Variants in CORIN observed in about 807,000 individuals in gnomAD.
The protein encoded by CORIN is corin, serine peptidase, also known as atrial natriuretic peptide-converting enzyme.
A neutral mutation model predicts 125.3 loss-of-function variants in CORIN; 117 were observed. The ratio of observed to expected loss-of-function variants is 0.93; its 90% CI spans 0.80 to 1.09. The LOEUF is 1.09. Ranked by LOEUF, CORIN falls within the 50% of genes least tolerant of loss-of-function variation. The pLI, the probability that CORIN is intolerant of heterozygous loss-of-function variation, is 0.00. For missense variants in CORIN, 1,253 were observed against 1,306.7 expected (o/e 0.96, Z 0.63); for synonymous variants, 450 against 466.4 (o/e 0.96, Z 0.45).
At chr4:47,825,303 C>G (rs1732693579) in intron 1 of CORIN, among the ~76,000 whole-genome samples, 1 of 152,162 alleles carries the variant, frequency 6.6e-6, no homozygotes, top group South Asian at 2.1e-4. Flanking sequence ...GAAGTGAGGC[C>G]TGGGAGTCCC....
intron 1 of CORIN, among the ~76,000 whole-genome samples, chr4:47,826,221 T>C (rs1390371664): frequency 9.9e-5 from 15 of 152,216 alleles, no homozygotes; most frequent in Non-Finnish European, 8.8e-5. Flanking sequence ...CAAGCTGAGA[T>C]GAACAACTGT....
chr4:47,642,639 G>T (rs1434091653), intron 15 of CORIN, among the ~76,000 whole-genome samples: 1 of 152,172 alleles, frequency 6.6e-6, no homozygotes, highest in Non-Finnish European at 1.5e-5. Flanking sequence ...GATGAGTGTG[G>T]GATGAGGAAA....
chr4:47,602,110 C>CA (rs1361012487), intron 20 of CORIN, among the ~76,000 whole-genome samples: 48 of 145,926 alleles, frequency 3.3e-4, no homozygotes, highest in South Asian at 8.7e-4. Flanking sequence ...ACTAAAAATA[C>CA]AAAAAACAAA....
chr4:47,687,301 C>T (rs141794773), intron 6 of CORIN, among the ~76,000 whole-genome samples: 3 of 152,292 alleles, frequency 2.0e-5, no homozygotes, highest in African/African-American at 7.2e-5. Flanking sequence ...ACAGTGTCTC[C>T]TTTTACTGAA....
chr4:47,803,105 A>T (rs1731615901), intron 2 of CORIN, among the ~76,000 whole-genome samples: 1 of 152,240 alleles, frequency 6.6e-6, no homozygotes, highest in Admixed American at 6.5e-5. Context: ...CACCTTCCCA[A>T]GAAAAATGGA....
intron 19 of CORIN, 100 bp from the exon 20 acceptor site, chr4:47,603,768 C>A: frequency 1.6e-6 from 2 of 1,283,662 alleles, no homozygotes; most frequent in African/African-American, 1.5e-5. Context: ...AAATAATGGC[C>A]ATTTTCATGC....
intron 5 of CORIN, among the ~76,000 whole-genome samples, chr4:47,708,492 T>C (rs889495393): frequency 2.0e-5 from 3 of 152,188 alleles, no homozygotes; most frequent in Non-Finnish European, 4.4e-5. Flanking sequence ...CTTATTTCCA[T>C]CTTCAACTTC....
intron 6 of CORIN, 23 bp downstream of exon 6, chr4:47,692,947 A>C (rs1355740342): frequency 1.3e-6 from 2 of 1,549,018 alleles, no homozygotes; most frequent in Admixed American, 3.3e-5. Flanking sequence ...ACTCAGACAA[A>C]CCCTAAACAG....
At chr4:47,632,901 T>C (rs1472903358) in intron 16 of CORIN, among the ~76,000 whole-genome samples, 1 of 152,090 alleles carries the variant, frequency 6.6e-6, no homozygotes, top group Non-Finnish European at 1.5e-5. Context: ...TGCCTCAGCC[T>C]CCTGGGTAGC....
chr4:47,773,263 T>C (rs915750762), intron 3 of CORIN, among the ~76,000 whole-genome samples: 4 of 152,192 alleles, frequency 2.6e-5, no homozygotes, highest in African/African-American at 9.6e-5. Flanking sequence ...TGGAGCAACA[T>C]GTTCAATAAG....
At position 47,693,003 on chromosome 4, in the gene CORIN, CGTT is replaced by C; in HGVS notation, c.877_879del (p.Asn293del). 7 of 1,613,806 alleles carry C rather than the reference CGTT, an allele frequency of 4.3e-6. No homozygotes were observed. Among genetic ancestry groups the C allele is most frequent in the Non-Finnish European group, 5.1e-6 (6 of 1,179,804 alleles). On this transcript the variant is annotated inframe_deletion, in exon 6 of 22. Coordinates refer to ENST00000273857, the MANE Select transcript of CORIN (RefSeq NM_006587.4). ...GCCTCGTCACTCCAGTCGTCACAGT[CGTT>C]GTAGCCATTACATTGCAGTTTCCCG...
intron 4 of CORIN, among the ~76,000 whole-genome samples, chr4:47,749,124 A>C (rs1230436678): frequency 6.6e-6 from 1 of 152,096 alleles, no homozygotes; most frequent in Non-Finnish European, 1.5e-5. Flanking sequence ...TCATGAGAAA[A>C]AAAAAAACAG....
chr4:47,704,222 GAA>G (rs376625346), intron 5 of CORIN, among the ~76,000 whole-genome samples: 1 of 150,930 alleles, frequency 6.6e-6, no homozygotes, highest in Non-Finnish European at 1.5e-5. Flanking sequence ...CCTAACAGGG[GAA>G]AAAAAAATTA....
At chr4:47,789,748 C>T (rs1341912522) in intron 2 of CORIN, among the ~76,000 whole-genome samples, 6 of 152,138 alleles carry the variant, frequency 3.9e-5, no homozygotes, top group Admixed American at 2.0e-4. Flanking sequence ...AGGCCGGGCG[C>T]GGTGGCTCAC....
intron 6 of CORIN, among the ~76,000 whole-genome samples, chr4:47,689,661 C>G (rs1421302768): frequency 6.6e-6 from 1 of 152,216 alleles, no homozygotes; most frequent in African/African-American, 2.4e-5. Flanking sequence ...CTACTAAGCA[C>G]TTGCTATGTC....
At chr4:47,610,676 T>C (rs1378948694) in intron 19 of CORIN, among the ~76,000 whole-genome samples, 2 of 152,224 alleles carry the variant, frequency 1.3e-5, no homozygotes, top group South Asian at 2.1e-4. Flanking sequence ...TGTGCCTATG[T>C]CCTGAATGGT....
intron 10 of CORIN, among the ~76,000 whole-genome samples, chr4:47,673,755 G>A (rs1724877119): frequency 6.6e-6 from 1 of 152,112 alleles, no homozygotes; most frequent in Non-Finnish European, 1.5e-5. Flanking sequence ...TCCTGGAAAG[G>A]CGAGAATAAA....
chr4:47,781,438 GTTA>G (rs1730540045), intron 3 of CORIN, among the ~76,000 whole-genome samples: 2 of 152,140 alleles, frequency 1.3e-5, no homozygotes, highest in Admixed American at 6.5e-5. Context: ...TGTCCAATAT[GTTA>G]TTATAAAATA....
At chr4:47,616,552 T>C (rs977194106) in intron 19 of CORIN, among the ~76,000 whole-genome samples, 16 of 152,196 alleles carry the variant, frequency 1.1e-4, no homozygotes, top group Non-Finnish European at 2.4e-4. Context: ...AAGAAGGATG[T>C]AGTGATAAAA....
Sources: allele counts gnomAD v4.1 joint callset (sites outside exome capture counted in the v4.1 genomes callset), GRCh38; gene constraint gnomAD v4.1.1; transcripts MANE v1.5; gene names NCBI Gene and HGNC (gene_info 2026-07-23, HGNC 2026-07-21).